Variants in MAP4K5 observed in about 807,000 individuals in gnomAD.
The protein encoded by MAP4K5 is mitogen-activated protein kinase kinase kinase kinase 5.
Under a neutral mutation model 135.6 loss-of-function variants are expected in MAP4K5, and 82 were observed. That is an observed-to-expected ratio of 0.60 (90% confidence interval 0.51 to 0.73). MAP4K5 has a LOEUF of 0.73. Ranked by LOEUF, MAP4K5 falls within the 30% of genes least tolerant of loss-of-function variation. The pLI, the probability that MAP4K5 is intolerant of heterozygous loss-of-function variation, is 0.00. For synonymous variants in MAP4K5, 347 were observed against 335.0 expected, an observed-to-expected ratio of 1.04 and a Z score of -0.39; for missense variants, 907 against 1,010.9, an observed-to-expected ratio of 0.90 and a Z score of 1.39.
In MAP4K5 at chr14:50,531,987, T is replaced by A; in HGVS notation, c.63A>T (p.Glu21Asp). The A allele has an allele frequency of 6.2e-7, 1 of 1,603,142 alleles. No individual in the cohort carries two copies. The highest frequency in any genetic ancestry group is 8.5e-7 in the Non-Finnish European group (1 of 1,175,124). ...ILRRNPQQDY[E>D]LVQRVGSGTY... The stretch of plus-strand genomic sequence containing the variant: ...TGCCGCTGCCGACCCTCTGGACGAG[T>A]TCGTAGTCCTGCTGCGGGTTCCGCC... The change falls in exon 2 of 33, where the codon GAA (glutamate) becomes GAT (aspartate). Residue 21 changes from glutamate to aspartate, a missense_variant. By Grantham distance (45) the Glu-to-Asp change is conservative. Transcript: ENST00000682126.
At chr14:50,535,756 G>A (rs985517842), upstream of MAP4K5, among the ~76,000 whole-genome samples, 6 of 152,232 alleles carry the variant, frequency 3.9e-5, no homozygotes, top group Middle Eastern at 3.4e-3. Flanking sequence ...GAAGGCAGTC[G>A]ATATCCCTTT....
intron 28 of MAP4K5, among the ~76,000 whole-genome samples, chr14:50,431,121 T>A (rs1473653819): frequency 6.6e-6 from 1 of 152,200 alleles, no homozygotes; most frequent in Non-Finnish European, 1.5e-5. Context: ...GTTCTTTGGG[T>A]AAATATTTCA....
intron 12 of MAP4K5, 102 bp downstream of exon 12, chr14:50,463,950 G>C: frequency 2.7e-6 from 1 of 365,320 alleles, no homozygotes; most frequent in South Asian, 3.6e-5. Flanking sequence ...CCTGCTGTAA[G>C]AGATCACTAA....
intron 9 of MAP4K5, among the ~76,000 whole-genome samples, chr14:50,474,023 C>G (rs992677636): frequency 6.6e-6 from 1 of 152,132 alleles, no homozygotes; most frequent in African/African-American, 2.4e-5. Flanking sequence ...ACTATTTCCA[C>G]ATACGATTTT....
chr14:50,520,527 A>G (rs951000152), intron 2 of MAP4K5, among the ~76,000 whole-genome samples: 2 of 152,096 alleles, frequency 1.3e-5, no homozygotes, highest in Admixed American at 6.5e-5. Context: ...GGAAGTCACA[A>G]TCCTTCTCAG....
intron 2 of MAP4K5, among the ~76,000 whole-genome samples, chr14:50,507,393 G>C (rs2140029689): frequency 6.6e-6 from 1 of 152,256 alleles, no homozygotes; most frequent in Admixed American, 6.5e-5. Context: ...CCTTCTGCTA[G>C]CTTTTGAATG....
At chr14:50,497,246 C>G (rs2139988446) in intron 3 of MAP4K5, among the ~76,000 whole-genome samples, 1 of 152,166 alleles carries the variant, frequency 6.6e-6, no homozygotes, top group African/African-American at 2.4e-5. Context: ...AATGAATGTA[C>G]AATGTTAAAC....
rs1172043558 is a variant in MAP4K5, at chr14:50,429,246, C to G, written c.2179G>C (p.Asp727His). The change falls in exon 29 of 33, where the codon GAT becomes CAT. Residue 727 changes from aspartate (D) to histidine (H), a missense_variant. Transcript: ENST00000682126. ...TEIGAGSQQL[D>H]SIHVTQLERD... ...TCCAACTGTGTTACATGAATGGAATCTAACTGCTGGCTGCCTTAGGAAGTA... is the reference window on the plus strand; with the variant it reads ...TCCAACTGTGTTACATGAATGGAATGTAACTGCTGGCTGCCTTAGGAAGTA... 6.4e-7 allele frequency: 1 copy of G among 1,562,534 alleles called. No individual in the cohort carries two copies. Among genetic ancestry groups the G allele is most frequent in the Non-Finnish European group, 8.7e-7 (1 of 1,151,620 alleles).
Position 50,487,507 on chromosome 14 carries a change from T to G in MAP4K5, c.167-1313A>C, listed in dbSNP as rs2139938951. 2.0e-5 allele frequency among the ~76,000 whole-genome samples: 3 copies of G among 152,310 alleles called. No homozygotes were observed. In the South Asian group the frequency reaches 6.2e-4, roughly 32 times the overall value. On this transcript the variant is annotated intron_variant, in intron 3 of 32. Coordinates refer to ENST00000682126, the MANE Select transcript of MAP4K5 (RefSeq NM_006575.6). ...GTACAATCTTCTAACTGAATGAACGTCTGAGAGAAAACCTTTAAAGATAAT... is the reference window on the plus strand; with the variant it reads ...GTACAATCTTCTAACTGAATGAACGGCTGAGAGAAAACCTTTAAAGATAAT...
At chr14:50,421,669 C>T (rs7146486) in intron 32 of MAP4K5, among the ~76,000 whole-genome samples, 142,135 of 151,618 alleles carry the variant, frequency 0.94, 67,217 homozygotes, top group East Asian at 1. Context: ...AGCAAGGCAA[C>T]AGTCTGAAGG....
At chr14:50,461,959 G>C (rs1421462574) in intron 13 of MAP4K5, among the ~76,000 whole-genome samples, 1 of 151,638 alleles carries the variant, frequency 6.6e-6, no homozygotes, top group Non-Finnish European at 1.5e-5. Context: ...ATTCTATAAT[G>C]TTTTCAGAGA....
rs1433958211 is a variant in MAP4K5 at position 50,447,487 on chromosome 14, A to G, written c.1075-6T>C. 1 of 1,506,066 alleles carries G rather than the reference A, an allele frequency of 6.6e-7. No homozygotes were observed. The highest frequency in any genetic ancestry group is 9.0e-7 in the Non-Finnish European group (1 of 1,111,126). The allele number at this position is 1,506,066 out of a possible 1,614,324, so 93.3% of individuals were successfully genotyped here. ...TTTGGGTCTGATGACAATCCCTGTA[A>G]AGATAAAAATATAGTTTAAAATGTT... On this transcript the variant is annotated splice_region_variant and splice_polypyrimidine_tract_variant and intron_variant, in intron 15 of 32. Coordinates refer to ENST00000682126, the MANE Select transcript of MAP4K5 (RefSeq NM_006575.6).
chr14:50,560,474 C>T (rs564843436), intron 1 of MAP4K5: 32 of 826,670 alleles, frequency 3.9e-5, no homozygotes, highest in Admixed American at 9.3e-5. Flanking sequence ...CCGAGCGGTA[C>T]CCGCGTCACC....
upstream of MAP4K5, among the ~76,000 whole-genome samples, chr14:50,536,348 A>G (rs981456210): frequency 2.0e-5 from 3 of 152,064 alleles, no homozygotes; most frequent in Admixed American, 6.6e-5. Context: ...AGGCAGGAGA[A>G]TCGCTTGAAC....
chr14:50,482,334 T>C (rs1420185424), intron 6 of MAP4K5, 27 bp downstream of exon 6: 1 of 1,390,558 alleles, frequency 7.2e-7, no homozygotes. Flanking sequence ...GAATTGCCTT[T>C]CTAACTATAT....
intron 2 of MAP4K5, among the ~76,000 whole-genome samples, chr14:50,531,317 T>C (rs2038381929): frequency 6.6e-6 from 1 of 152,244 alleles, no homozygotes; most frequent in Admixed American, 6.5e-5. Flanking sequence ...TAGGATGTTA[T>C]AAATCCCTGA....
intron 2 of MAP4K5, among the ~76,000 whole-genome samples, chr14:50,518,608 C>T (rs1037625371): frequency 2.0e-5 from 3 of 152,176 alleles, no homozygotes; most frequent in East Asian, 3.8e-4. Flanking sequence ...GCACAATTTC[C>T]CCACTCCCAG....
At chr14:50,438,555 A>G (rs1329113731) in intron 23 of MAP4K5, among the ~76,000 whole-genome samples, 2 of 152,172 alleles carry the variant, frequency 1.3e-5, no homozygotes, top group Non-Finnish European at 2.9e-5. Context: ...CTACAATTCC[A>G]TATAATAAAA....
intron 20 of MAP4K5, among the ~76,000 whole-genome samples, chr14:50,443,510 C>T (rs1460573931): frequency 6.6e-6 from 1 of 152,190 alleles, no homozygotes; most frequent in Non-Finnish European, 1.5e-5. Context: ...GTAGGCTAAT[C>T]TGATGACTCA....
Sources: gnomAD v4.1 joint callset for allele counts (sites outside exome capture counted in the v4.1 genomes callset) on GRCh38, gnomAD v4.1.1 for gene constraint, MANE v1.5 for transcripts, NCBI Gene and HGNC (gene_info 2026-07-23, HGNC 2026-07-21) for gene names.